CSAD: variants seen among roughly 807,000 people sequenced by gnomAD.
CSAD encodes the protein cysteine sulfinic acid decarboxylase.
In CSAD, 47 loss-of-function variants were observed where a neutral mutation model predicts 61.5. The ratio of observed to expected loss-of-function variants is 0.76; its 90% CI spans 0.60 to 0.97. The LOEUF is 0.97. Ranked by LOEUF, CSAD falls within the 50% of genes least tolerant of loss-of-function variation. The pLI is 0.00. For missense variants in CSAD, 611 were observed against 643.6 expected (o/e 0.95, Z 0.55); for synonymous variants, 245 against 252.7 (o/e 0.97, Z 0.29).
chr12:53,178,818 A>T (rs181102207), intron 2 of CSAD, among the ~76,000 whole-genome samples: 17 of 152,300 alleles, frequency 1.1e-4, no homozygotes, highest in Admixed American at 8.5e-4. Context: ...AATTTAAATA[A>T]AAGCACATAT....
chr12:53,173,414 G>A lies in CSAD; in HGVS notation c.57C>T (p.Ala19=). The A allele has an allele frequency of 6.2e-7, 1 of 1,614,232 alleles. No individual in the cohort carries two copies. The highest frequency in any genetic ancestry group is 1.3e-5 in the African/African-American group (1 of 75,054). ...SLAGDPVAVE[A]LLRAVFGVVV... The stretch of plus-strand genomic sequence containing the variant: ...CAACCCCAAACACGGCCCGGAGCAA[G>A]GCTTCCACAGCCACTGGGTCCCCAG... Residue 19 remains alanine, a synonymous_variant, in exon 4 of 17, where the codon GCC becomes GCT. Coordinates refer to ENST00000444623, the MANE Select transcript of CSAD (RefSeq NM_001244705.2).
chr12:53,178,059 T>C (rs1357816598), intron 2 of CSAD, among the ~76,000 whole-genome samples: 1 of 152,054 alleles, frequency 6.6e-6, no homozygotes, highest in African/African-American at 2.4e-5. Context: ...GTATAAAAAA[T>C]TCATAGCATA....
At chr12:53,162,378 G>A (rs1318295813) in intron 10 of CSAD, among the ~76,000 whole-genome samples, 2 of 150,800 alleles carry the variant, frequency 1.3e-5, no homozygotes, top group African/African-American at 4.9e-5. Context: ...GACCAGCCTG[G>A]CCAAGATGGT....
Position 53,159,576 on chromosome 12 carries a change from T to C in CSAD, c.1308+47A>G, listed in dbSNP as rs768730799. The C allele has an allele frequency of 2.4e-5, 36 of 1,517,444 alleles. No homozygotes were observed. In the South Asian group the frequency reaches 3.6e-4, roughly 15 times the overall value. 94.0% of individuals were successfully genotyped at this position (1,517,444 alleles called of 1,614,324 possible). ...CCAACAGGGGGCAGAAGCGCATCAG[T>C]TGCATCAGCTCCCTAACGGGTAAAG... is the stretch of plus-strand genomic sequence containing the variant. On this transcript the variant is annotated intron_variant, in intron 16 of 16. Transcript: ENST00000444623.
intron 4 of CSAD, 89 bp downstream of exon 4, chr12:53,173,256 G>C (rs538784381): frequency 5.4e-5 from 61 of 1,130,956 alleles, no homozygotes; most frequent in Admixed American, 5.4e-4. Flanking sequence ...AGGAAGGAAG[G>C]GGGGGGGAGA....
At chr12:53,167,751 T>C (rs758117090) in intron 10 of CSAD, among the ~76,000 whole-genome samples, 22 of 152,164 alleles carry the variant, frequency 1.4e-4, no homozygotes, top group Non-Finnish European at 2.9e-4. Context: ...TGTAGAGCAA[T>C]TGGAACCCTC....
Position 53,171,524 on chromosome 12 carries a change from G to A in CSAD, c.452-83C>T, listed in dbSNP as rs140397218. On this transcript the variant is annotated intron_variant, in intron 7 of 16. Coordinates refer to ENST00000444623, the MANE Select transcript of CSAD (RefSeq NM_001244705.2). ...TGCCTCCCTTCCCTTTCTACCAGAAGAGCTCATCAAAGAAGCAGGTATGAC... is the reference window on the plus strand; with the variant it reads ...TGCCTCCCTTCCCTTTCTACCAGAAAAGCTCATCAAAGAAGCAGGTATGAC... The A allele has an allele frequency of 2.9e-5, 39 of 1,365,052 alleles. No homozygotes were observed. In the African/African-American group the frequency reaches 5.5e-4, roughly 19 times the overall value. The allele number at this position is 1,365,052 out of a possible 1,614,324, so 84.6% of individuals were successfully genotyped here.
chr12:53,180,697 G>A (rs1941536886), intron 1 of CSAD, 35 bp downstream of exon 1: 1 of 1,272,372 alleles, frequency 7.9e-7, no homozygotes, highest in African/African-American at 1.6e-5. Context: ...AGTGCTTCCG[G>A]GGAAACGGGC....
At chr12:53,169,103 C>A (rs1191768507) in intron 10 of CSAD, among the ~76,000 whole-genome samples, 11 of 152,050 alleles carry the variant, frequency 7.2e-5, no homozygotes. Context: ...TCACTCGAAC[C>A]CGGGAGGTGG....
rs1939024445 is a variant in CSAD at position 53,159,717 on chromosome 12, G to A, written c.1219-5C>T. On this transcript the variant is annotated splice_region_variant and splice_polypyrimidine_tract_variant and intron_variant, in intron 15 of 16. Coordinates refer to ENST00000444623, the MANE Select transcript of CSAD (RefSeq NM_001244705.2). ...ACACACATTGACAAACTCAGGCTGA[G>A]AGGAATGAGAAAGAGGAAGGTGTGA... 1.2e-6 allele frequency: 2 copies of A among 1,605,142 alleles called. No individual in the cohort carries two copies. Among genetic ancestry groups the A allele is most frequent in the Non-Finnish European group, 1.7e-6 (2 of 1,175,376 alleles).
At chr12:53,160,392 G>T (rs1003578145) in intron 13 of CSAD, 73 bp from the exon 14 acceptor site, 1 of 1,453,024 alleles carries the variant, frequency 6.9e-7, no homozygotes. Flanking sequence ...GCACTGTGGG[G>T]GTCTTAGCTC....
Position 53,172,515 on chromosome 12 carries a change from G to A in CSAD, c.253+7C>T, listed in dbSNP as rs1448080670. The A allele has an allele frequency of 1.9e-6, 3 of 1,614,046 alleles. No homozygotes were observed. The highest frequency in any genetic ancestry group is 3.3e-4 in the Middle Eastern group (2 of 6,062). ...CAAGTCTCCTCCTCACAGAAGCCAG[G>A]GCCCACCAGTCTTGACACTGTAGCG... is the stretch of plus-strand genomic sequence containing the variant. On this transcript the variant is annotated splice_region_variant and intron_variant, in intron 5 of 16. Transcript: ENST00000444623.
chr12:53,175,518 A>G (rs1941038193), intron 2 of CSAD, among the ~76,000 whole-genome samples: 1 of 152,206 alleles, frequency 6.6e-6, no homozygotes, highest in Non-Finnish European at 1.5e-5. Context: ...TCCTATGTAT[A>G]CAATCTTTTC....
At chr12:53,180,124 T>A (rs1941453416) in intron 1 of CSAD, 3 of 1,299,098 alleles carry the variant, frequency 2.3e-6, no homozygotes, top group Non-Finnish European at 2.9e-6. Context: ...GGCCAAGGGC[T>A]ACTCAAGGAA....
rs1565675040 is a variant in CSAD at position 53,173,980 on chromosome 12, A to G, written c.-49-210T>C. 1.0e-5 allele frequency: 6 copies of G among 576,644 alleles called. No homozygotes were observed. The East Asian group carries it at 1.8e-4, about 17-fold the overall frequency. The allele number at this position is 576,644 out of a possible 1,614,324, so 35.7% of individuals were successfully genotyped here. A position where few individuals can be genotyped will look rare whatever the true frequency, so the allele number is the denominator to read the frequency against. On this transcript the variant is annotated intron_variant, in intron 2 of 16. Transcript: ENST00000444623. ...AACTACTAATCTACTTTGTTTCTGT[A>G]GATTTGTCTAGTCTGGCCATTTCAT...
chr12:53,174,812 A>G (rs1940983169), intron 2 of CSAD, among the ~76,000 whole-genome samples: 1 of 152,096 alleles, frequency 6.6e-6, no homozygotes, highest in African/African-American at 2.4e-5. Context: ...ATATATATGG[A>G]GGAATTAAGG....
chr12:53,172,696 G>C (rs1940728085), intron 4 of CSAD, 48 bp from the exon 5 acceptor site: 3 of 1,566,526 alleles, frequency 1.9e-6, no homozygotes, highest in Non-Finnish European at 2.6e-6. Flanking sequence ...CCTGTGGACT[G>C]GCTGTCAAAC....
chr12:53,159,595 G>T, intron 16 of CSAD, 28 bp downstream of exon 16: 2 of 1,588,344 alleles, frequency 1.3e-6, no homozygotes, highest in Non-Finnish European at 1.7e-6. Context: ...CTCCCTAACG[G>T]GTAAAGAGAG....
rs549797727 is a variant in CSAD at position 53,180,598 on chromosome 12, C to T, written c.-91+134G>A. The T allele has an allele frequency of 3.9e-6, 5 of 1,285,262 alleles. No individual in the cohort carries two copies. In the African/African-American group the frequency reaches 6.2e-5, roughly 16 times the overall value. The allele number at this position is 1,285,262 out of a possible 1,614,324, so 79.6% of individuals were successfully genotyped here. A position where few individuals can be genotyped will look rare whatever the true frequency, so the allele number is the denominator to read the frequency against. On this transcript the variant is annotated intron_variant, in intron 1 of 16. Coordinates refer to ENST00000444623, the MANE Select transcript of CSAD (RefSeq NM_001244705.2). ...GCACCTCTCCGTGCGTCCCCAAGCT[C>T]ACCCGCTCTGAGGCTGCCCCCGCTA...
Sources: gnomAD v4.1 joint callset for allele counts (sites outside exome capture counted in the v4.1 genomes callset) on GRCh38, gnomAD v4.1.1 for gene constraint, MANE v1.5 for transcripts, NCBI Gene and HGNC (gene_info 2026-07-23, HGNC 2026-07-21) for gene names.